METRN: variants seen among roughly 807,000 people sequenced by gnomAD.
The protein encoded by METRN is meteorin, glial cell differentiation regulator.
Under a neutral mutation model 17.4 loss-of-function variants are expected in METRN, and 17 were observed. The observed-to-expected ratio is 0.98, with a 90% CI of 0.67 to 1.46. The LOEUF (loss-of-function observed/expected upper bound fraction) is 1.46. Ranked by LOEUF, METRN falls within the 40% of genes most tolerant of loss-of-function variation. The pLI is 0.00. For missense variants in METRN, 489 were observed against 456.2 expected, an observed-to-expected ratio of 1.07 and a Z score of -0.65; for synonymous variants, 230 against 210.8, an observed-to-expected ratio of 1.09 and a Z score of -0.79.
rs1063109 is a variant in METRN at position 718,272 on chromosome 16, G to C, written c.*885G>C. ...CAAGGCTCCGAGGCTAAAAGCCCCT[G>C]GGTGGGGGTGTTCCAGGACACCTGG... On this transcript the variant is annotated 3_prime_UTR_variant, in exon 4 of 4. Transcript: ENST00000568223. 6.6e-6 allele frequency: 1 copy of C among 152,324 alleles called. No individual in the cohort carries two copies. Among genetic ancestry groups the C allele is most frequent in the African/African-American group, 2.4e-5 (1 of 41,474 alleles). 9.4% of individuals were successfully genotyped at this position (152,324 alleles called of 1,614,324 possible).
Position 717,009 on chromosome 16 carries a change from T to TG in METRN, c.565+23dup, listed in dbSNP as rs1459645015. On this transcript the variant is annotated intron_variant, in intron 3 of 3. Coordinates refer to ENST00000568223, the MANE Select transcript of METRN (RefSeq NM_024042.4). ...GCGACTTCGGTGAGTGTCCCCGCCA[T>TG]GGGGGGAGCCTGGAGCCTGCCTTCC... 9 of 1,610,144 alleles carry TG rather than the reference T, an allele frequency of 5.6e-6. No homozygotes were observed. Among genetic ancestry groups the TG allele is most frequent in the Non-Finnish European group, 6.8e-6 (8 of 1,178,454 alleles).
At position 717,253 on chromosome 16, in the gene METRN, A is replaced by C. The variant is rs1373118817; in HGVS notation, c.748A>C (p.Thr250Pro). The change falls in exon 4 of 4, where the codon ACC becomes CCC. Residue 250 changes from threonine (T) to proline (P), a missense_variant. Physicochemically the swap from Thr to Pro is conservative, Grantham distance 38. Coordinates refer to ENST00000568223, the MANE Select transcript of METRN (RefSeq NM_024042.4). ...LRCGVHPGPG[T>P]FLFMGWSRFG... ...CTGTGGCGTCCACCCGGGCCCAGGC[A>C]CCTTCCTCTTCATGGGCTGGAGCCG... 11 of 1,567,040 alleles carry C rather than the reference A, an allele frequency of 7.0e-6. No individual in the cohort carries two copies. Among genetic ancestry groups the C allele is most frequent in the African/African-American group, 1.4e-5 (1 of 73,892 alleles).
Position 717,285 on chromosome 16 carries a change from G to A in METRN, c.780G>A (p.Gly260=). The A allele has an allele frequency of 1.3e-6, 2 of 1,542,742 alleles. No individual in the cohort carries two copies. Among genetic ancestry groups the A allele is most frequent in the Middle Eastern group, 1.7e-4 (1 of 5,952 alleles). The part of the protein sequence containing the change: ...TFLFMGWSRF[G]EARLGCAPRF... ...TCTTCATGGGCTGGAGCCGCTTTGG[G>A]GAGGCCCGGCTGGGCTGTGCCCCAC... The change falls in exon 4 of 4, where the codon GGG becomes GGA. Residue 260 remains glycine, a synonymous_variant. Coordinates refer to ENST00000568223, the MANE Select transcript of METRN (RefSeq NM_024042.4).
intron 2 of METRN, chr16:716,383 G>C (rs1437458916): frequency 7.0e-7 from 1 of 1,425,812 alleles, no homozygotes; most frequent in Non-Finnish European, 9.1e-7. Flanking sequence ...GTGCAGCCCG[G>C]TCACCATGGA....
rs544205990 is a variant in METRN at position 719,100 on chromosome 16, C to T, written c.*1713C>T. 57 of 152,574 alleles carry T rather than the reference C, an allele frequency of 3.7e-4. 3 individuals are homozygous for T. In the South Asian group the frequency reaches 8.5e-3, roughly 23 times the overall value. The allele number at this position is 152,574 out of a possible 1,614,324, so 9.5% of individuals were successfully genotyped here. A position where few individuals can be genotyped will look rare whatever the true frequency, so the allele number is the denominator to read the frequency against. ...CTACAACCTCTCCTTTTCAGCCACA[C>T]CCAAGTCCACCTGTTCACAAACACC... is the stretch of plus-strand genomic sequence containing the variant. On this transcript the variant is annotated 3_prime_UTR_variant, in exon 4 of 4. Transcript: ENST00000568223.
chr16:716,921 T>C lies in METRN; in HGVS notation c.506-12T>C. 1.3e-6 allele frequency: 2 copies of C among 1,541,214 alleles called. No individual in the cohort carries two copies. The highest frequency in any genetic ancestry group is 1.8e-6 in the Non-Finnish European group (2 of 1,141,640). The stretch of plus-strand genomic sequence containing the variant: ...GGCAGGGCCTCTCCTCACCACCCCC[T>C]CTGCATGCCAGGTGCCTGCAGGCCC... On this transcript the variant is annotated splice_polypyrimidine_tract_variant and intron_variant, in intron 2 of 3. Transcript: ENST00000568223.
chr16:717,426 T>C lies in METRN; in HGVS notation c.*39T>C, dbSNP rs529804922. On this transcript the variant is annotated 3_prime_UTR_variant, in exon 4 of 4. Coordinates refer to ENST00000568223, the MANE Select transcript of METRN (RefSeq NM_024042.4). ...GGGGAGGGGCTGGTAGGAGGGAGGG[T>C]GGGCCCACTGCTTTGGAGGTGATGG... The C allele has an allele frequency of 1.4e-4, 159 of 1,128,008 alleles. 2 individuals are homozygous for C. The highest frequency in any genetic ancestry group is 6.0e-4 in the African/African-American group (38 of 63,650). The allele number at this position is 1,128,008 out of a possible 1,614,324, so 69.9% of individuals were successfully genotyped here.
chr16:716,868 G>C (rs1226020569), intron 2 of METRN, 65 bp from the exon 3 acceptor site: 5 of 1,503,330 alleles, frequency 3.3e-6, no homozygotes, highest in African/African-American at 1.4e-5. Flanking sequence ...GCGGACAAGG[G>C]ACGGGGCCTG....
intron 1 of METRN, 50 bp from the exon 2 acceptor site, chr16:715,534 C>CGGGCG: frequency 7.8e-7 from 1 of 1,287,552 alleles, no homozygotes; most frequent in Non-Finnish European, 9.8e-7. Context: ...GGGGCTGCGC[C>CGGGCG]GGGCGGGGAC....
In METRN at chr16:716,020, C is replaced by T. The variant is rs2151527198; in HGVS notation, c.505+36C>T. On this transcript the variant is annotated intron_variant, in intron 2 of 3. Coordinates refer to ENST00000568223, the MANE Select transcript of METRN (RefSeq NM_024042.4). The stretch of plus-strand genomic sequence containing the variant: ...GTCTGGTTGGGACAGGGTGGGAGTC[C>T]CGAAGTCTTACCCTGCCTGGGCTTG... The T allele has an allele frequency of 2.1e-6, 3 of 1,420,964 alleles. No individual in the cohort carries two copies. The East Asian group carries it at 8.9e-5, about 42-fold the overall frequency. 88.0% of individuals were successfully genotyped at this position (1,420,964 alleles called of 1,614,324 possible).
chr16:715,670 C>T lies in METRN; in HGVS notation c.191C>T (p.Ala64Val). The change falls in exon 2 of 4, where the codon GCG (alanine) becomes GTG (valine). Residue 64 changes from alanine to valine, a missense_variant. Transcript: ENST00000568223. Reference sequence around the variant, plus strand: ...GTTGAGTGGCTGTACCCGGCTGGGGCGCTGCGCCTGACCCTGGGCGGCCCC... The same window carrying T: ...GTTGAGTGGCTGTACCCGGCTGGGGTGCTGCGCCTGACCCTGGGCGGCCCC... ...GAVEWLYPAG[A>V]LRLTLGGPDP... is the part of the protein sequence containing the mutation. 7.0e-7 allele frequency: 1 copy of T among 1,426,144 alleles called. No individual in the cohort carries two copies. Among genetic ancestry groups the T allele is most frequent in the Non-Finnish European group, 9.1e-7 (1 of 1,094,050 alleles). 88.3% of individuals were successfully genotyped at this position (1,426,144 alleles called of 1,614,324 possible). A position where few individuals can be genotyped will look rare whatever the true frequency, so the allele number is the denominator to read the frequency against.
At chr16:716,299 C>G (rs2040161347) in intron 2 of METRN, 1 of 1,386,818 alleles carries the variant, frequency 7.2e-7, no homozygotes. Context: ...AGCCTCCGGC[C>G]AAAGCTGTCC....
In METRN at chr16:718,140, T is replaced by C. The variant is rs939899857; in HGVS notation, c.*753T>C. The C allele has an allele frequency of 4.6e-5, 7 of 152,006 alleles. No homozygotes were observed. The highest frequency in any genetic ancestry group is 1.7e-4 in the African/African-American group (7 of 41,330). 9.4% of individuals were successfully genotyped at this position (152,006 alleles called of 1,614,324 possible). ...CCGGCGGGCGGGGTGCACAATGGGGTCTCTAAGGACCGTTTCCCGCCACTG... is the reference window on the plus strand; with the variant it reads ...CCGGCGGGCGGGGTGCACAATGGGGCCTCTAAGGACCGTTTCCCGCCACTG... On this transcript the variant is annotated 3_prime_UTR_variant, in exon 4 of 4. Coordinates refer to ENST00000568223, the MANE Select transcript of METRN (RefSeq NM_024042.4).
Position 717,941 on chromosome 16 carries a change from G to C in METRN, c.*554G>C, listed in dbSNP as rs549724810. 1 of 152,722 alleles carries C rather than the reference G, an allele frequency of 6.5e-6. No individual in the cohort carries two copies. Among genetic ancestry groups the C allele is most frequent in the Non-Finnish European group, 1.5e-5 (1 of 68,404 alleles). The allele number at this position is 152,722 out of a possible 1,614,324, so 9.5% of individuals were successfully genotyped here. On this transcript the variant is annotated 3_prime_UTR_variant, in exon 4 of 4. Coordinates refer to ENST00000568223, the MANE Select transcript of METRN (RefSeq NM_024042.4). ...AGGGGCTGCAGGCTGGCAGGGTGCC[G>C]ACTTCCCCCATGGCTGCTGTGAGCC...
intron 2 of METRN, 118 bp from the exon 3 acceptor site, chr16:716,815 A>T: frequency 6.6e-7 from 1 of 1,506,738 alleles, no homozygotes; most frequent in Non-Finnish European, 8.9e-7. Flanking sequence ...TCAGGCCCTG[A>T]GCGTGGGCTC....
At chr16:716,369 C>T in intron 2 of METRN, 4 of 1,414,986 alleles carry the variant, frequency 2.8e-6, no homozygotes, top group Non-Finnish European at 3.7e-6. Flanking sequence ...AACAAAAGTC[C>T]AGTGTGCAGC....
chr16:716,423 G>A (rs1353431934), intron 2 of METRN: 1 of 1,433,382 alleles, frequency 7.0e-7, no homozygotes. Context: ...CAGGGCACCA[G>A]GCCCAGCTCT....
chr16:716,981 C>T lies in METRN; in HGVS notation c.554C>T (p.Thr185Ile). The T allele has an allele frequency of 1.2e-6, 2 of 1,604,560 alleles. No homozygotes were observed. Among genetic ancestry groups the T allele is most frequent in the Non-Finnish European group, 1.7e-6 (2 of 1,174,994 alleles). Residue 185 changes from threonine (T) to isoleucine (I), a missense_variant, in exon 3 of 4, where the codon ACC (threonine) becomes ATC (isoleucine). Coordinates refer to ENST00000568223, the MANE Select transcript of METRN (RefSeq NM_024042.4). ...SDAELLLAAC[T>I]SDFVIHGIIH... ...GCTGAGCTGCTCCTGGCCGCATGCA[C>T]CAGCGACTTCGGTGAGTGTCCCCGC...
In METRN at chr16:715,570, CGTCCT is replaced by C. The variant is rs1262112414; in HGVS notation, c.105-9_105-5del. ...CCGCCCCCGTCTCAGCGCCCCGTCCCGTCCTGTCCCCAGCGGCCTCACCCAGGAGC... is the reference window on the plus strand; with the variant it reads ...CCGCCCCCGTCTCAGCGCCCCGTCCCGTCCCCAGCGGCCTCACCCAGGAGC... On this transcript the variant is annotated splice_polypyrimidine_tract_variant and intron_variant, in intron 1 of 3. Transcript: ENST00000568223. The C allele has an allele frequency of 4.5e-6, 6 of 1,323,116 alleles. No individual in the cohort carries two copies. The highest frequency in any genetic ancestry group is 4.8e-6 in the Non-Finnish European group (5 of 1,040,972). The allele number at this position is 1,323,116 out of a possible 1,614,324, so 82.0% of individuals were successfully genotyped here.
Sources: allele counts gnomAD v4.1 joint callset, GRCh38; gene constraint gnomAD v4.1.1; transcripts MANE v1.5; gene names NCBI Gene and HGNC (gene_info 2026-07-23, HGNC 2026-07-21).